The following AVL9 variants were observed in gnomAD, a reference collection of about 807,000 sequenced individuals.
AVL9 encodes the protein late secretory pathway protein AVL9 homolog.
AVL9 carries 49 observed loss-of-function variants against 79.2 expected under a neutral mutation model. The ratio of observed to expected loss-of-function variants is 0.62; its 90% CI spans 0.49 to 0.79. The LOEUF (loss-of-function observed/expected upper bound fraction) is 0.79. AVL9 is among the 30% of genes least tolerant of loss of function. The pLI is 0.00. For synonymous variants in AVL9, 299 were observed against 280.6 expected (o/e 1.07, Z -0.65); for missense variants, 682 against 776.8 (o/e 0.88, Z 1.45).
intron 1 of AVL9, among the ~76,000 whole-genome samples, chr7:32,528,218 C>G (rs372243816): frequency 6.6e-6 from 1 of 152,256 alleles, no homozygotes; most frequent in South Asian, 2.1e-4. Context: ...CGAGTTGTCT[C>G]GCTTTTCTAG....
At chr7:32,580,079 C>T (rs1389615472) in intron 13 of AVL9, 140 bp from the exon 14 acceptor site, 3 of 644,424 alleles carry the variant, frequency 4.7e-6, no homozygotes, top group Non-Finnish European at 8.2e-6. Context: ...GTGACCAAAG[C>T]CAAGTTTCCC....
chr7:32,576,731 A>G (rs1278271212), intron 13 of AVL9, among the ~76,000 whole-genome samples: 5 of 152,012 alleles, frequency 3.3e-5, no homozygotes, highest in African/African-American at 1.2e-4. Context: ...GGTTGCAGTG[A>G]GTCAAGATCA....
In AVL9 at chr7:32,548,938, G is replaced by T. The variant is rs372980373; in HGVS notation, c.372+20G>T. ...AAGCTGGTAAGAGACGAAGTAACTT[G>T]TTCATTATGTTAAACCTTCATGGCA... On this transcript the variant is annotated intron_variant, in intron 4 of 15. Transcript: ENST00000318709. 16 of 1,506,848 alleles carry T rather than the reference G, an allele frequency of 1.1e-5. No individual in the cohort carries two copies. The African/African-American group carries it at 2.0e-4, about 19-fold the overall frequency. 93.3% of individuals were successfully genotyped at this position (1,506,848 alleles called of 1,614,324 possible). A position where few individuals can be genotyped will look rare whatever the true frequency, so the allele number is the denominator to read the frequency against.
chr7:32,498,623 CTTTTA>C (rs1786973800), intron 1 of AVL9, among the ~76,000 whole-genome samples: 1 of 144,454 alleles, frequency 6.9e-6, no homozygotes, highest in Non-Finnish European at 1.5e-5. Context: ...TTTTTTTTCA[CTTTTA>C]TTTGGGTAAC....
Position 32,573,192 on chromosome 7 carries a change from C to T in AVL9, c.1351-7C>T, listed in dbSNP as rs770501274. 1 of 1,611,816 alleles carries T rather than the reference C, an allele frequency of 6.2e-7. No homozygotes were observed. The highest frequency in any genetic ancestry group is 8.5e-7 in the Non-Finnish European group (1 of 1,178,258). On this transcript the variant is annotated splice_region_variant and splice_polypyrimidine_tract_variant and intron_variant, in intron 11 of 15. Transcript: ENST00000318709. ...CAGACTCTGACTTGTACCTGGATAC[C>T]CTCTAGGTAGAAGAAGCTCTGATCC...
intron 5 of AVL9, 48 bp downstream of exon 5, chr7:32,551,471 T>C (rs1190875966): frequency 9.5e-7 from 1 of 1,051,354 alleles, no homozygotes; most frequent in Non-Finnish European, 1.5e-6. Context: ...GATAGACTCA[T>C]GAATCAAGTA....
chr7:32,559,546 C>A, intron 10 of AVL9, 82 bp downstream of exon 10: 1 of 1,420,312 alleles, frequency 7.0e-7, no homozygotes, highest in Non-Finnish European at 9.4e-7. Context: ...TTTTGGTATT[C>A]AACACATTTT....
chr7:32,535,224 C>T (rs1222057508), intron 1 of AVL9: 3 of 152,150 alleles, frequency 2.0e-5, no homozygotes, highest in Non-Finnish European at 2.9e-5. Flanking sequence ...TGGCTCCCTC[C>T]GCCTTATGGA....
chr7:32,582,753 T>C (rs1416768529), intron 15 of AVL9, among the ~76,000 whole-genome samples: 2 of 152,138 alleles, frequency 1.3e-5, no homozygotes, highest in Non-Finnish European at 2.9e-5. Context: ...TATGGTGCGA[T>C]CTTGGCTCAC....
chr7:32,545,364 CTT>C (rs10610945), intron 3 of AVL9, among the ~76,000 whole-genome samples: 3 of 73,346 alleles, frequency 4.1e-5, no homozygotes, highest in African/African-American at 1.6e-4. Context: ...TCTAAGATTT[CTT>C]TTTTTTTTTT....
chr7:32,583,323 C>A (rs1791600224), intron 15 of AVL9, among the ~76,000 whole-genome samples: 1 of 152,156 alleles, frequency 6.6e-6, no homozygotes, highest in Admixed American at 6.5e-5. Context: ...TTAAGACATT[C>A]CCATGGAAAG....
chr7:32,514,597 T>G (rs1787829218), intron 1 of AVL9, among the ~76,000 whole-genome samples: 1 of 152,168 alleles, frequency 6.6e-6, no homozygotes. Context: ...TGGCCGGTCC[T>G]TGCCTTAACC....
intron 1 of AVL9, among the ~76,000 whole-genome samples, chr7:32,506,674 A>G (rs536846785): frequency 6.8e-4 from 103 of 152,178 alleles, no homozygotes; most frequent in African/African-American, 2.5e-3. Context: ...GCACTTCGGG[A>G]GGCCAAACGG....
intron 8 of AVL9, among the ~76,000 whole-genome samples, chr7:32,556,286 G>C (rs188095615): frequency 5.2e-4 from 79 of 152,230 alleles, no homozygotes; most frequent in African/African-American, 1.8e-3. Context: ...AGGCTAAGGT[G>C]GGTGATCACT....
chr7:32,557,622 G>A lies in AVL9; in HGVS notation c.610-937G>A, dbSNP rs145985449. Reference sequence around the variant, plus strand: ...TCTCTGTCAGGACATGATATCAGGAGGCCCATAACTATTTGTAGTTAGTAG... The same window carrying A: ...TCTCTGTCAGGACATGATATCAGGAAGCCCATAACTATTTGTAGTTAGTAG... On this transcript the variant is annotated intron_variant, in intron 8 of 15. Coordinates refer to ENST00000318709, the MANE Select transcript of AVL9 (RefSeq NM_015060.3). Among the ~76,000 whole-genome samples, 3 of 152,196 alleles carry A rather than the reference G, an allele frequency of 2.0e-5. No individual in the cohort carries two copies. The East Asian group carries it at 5.8e-4, about 29-fold the overall frequency.
chr7:32,581,065 G>A (rs1188890331), intron 15 of AVL9, 175 bp downstream of exon 15: 17 of 576,078 alleles, frequency 3.0e-5, no homozygotes, highest in Non-Finnish European at 3.2e-5. Flanking sequence ...AATTCCAAAT[G>A]GTCAAACTCC....
chr7:32,574,470 C>T (rs1790993889), intron 12 of AVL9, among the ~76,000 whole-genome samples: 1 of 152,174 alleles, frequency 6.6e-6, no homozygotes, highest in Non-Finnish European at 1.5e-5. Flanking sequence ...AAACTTCAGT[C>T]TCCACTGCCA....
chr7:32,515,531 A>G (rs1353171142), intron 1 of AVL9, among the ~76,000 whole-genome samples: 4 of 152,176 alleles, frequency 2.6e-5, no homozygotes, highest in African/African-American at 9.7e-5. Context: ...TTCCATGACA[A>G]TAGAAGGCAG....
At chr7:32,544,955 C>A (rs190487014) in intron 3 of AVL9, among the ~76,000 whole-genome samples, 176 bp downstream of exon 3, 1 of 152,246 alleles carries the variant, frequency 6.6e-6, no homozygotes, top group African/African-American at 2.4e-5. Flanking sequence ...ATTAAGTTGA[C>A]ATTGGTGGCT....
Sources: gnomAD v4.1 joint callset for allele counts (sites outside exome capture counted in the v4.1 genomes callset) on GRCh38, gnomAD v4.1.1 for gene constraint, MANE v1.5 for transcripts, NCBI Gene and HGNC (gene_info 2026-07-23, HGNC 2026-07-21) for gene names.